The following SDK1 variants were observed in gnomAD, a reference collection of about 807,000 sequenced individuals.
SDK1 encodes sidekick cell adhesion molecule 1.
In SDK1, 157 loss-of-function variants were observed where a neutral mutation model predicts 245.5. The ratio of observed to expected loss-of-function variants is 0.64; its 90% CI spans 0.56 to 0.73. SDK1 has a LOEUF of 0.73. Ranked by LOEUF, SDK1 falls within the 30% of genes least tolerant of loss-of-function variation. The pLI, the probability that SDK1 is intolerant of heterozygous loss-of-function variation, is 0.00. For synonymous variants in SDK1, 1,647 were observed against 1,278.5 expected, an observed-to-expected ratio of 1.29 and a Z score of -6.15; for missense variants, 3,583 against 3,002.3, an observed-to-expected ratio of 1.19 and a Z score of -4.52.
chr7:3,575,926 C>A (rs888867533), intron 1 of SDK1, among the ~76,000 whole-genome samples: 1 of 151,998 alleles, frequency 6.6e-6, no homozygotes, highest in Non-Finnish European at 1.5e-5. Context: ...TGAAGCCTTT[C>A]ATCTCTGTTC....
chr7:3,871,858 G>GA (rs1780964721), intron 5 of SDK1, among the ~76,000 whole-genome samples: 2 of 152,224 alleles, frequency 1.3e-5, no homozygotes, highest in African/African-American at 4.8e-5. Context: ...AGAGTGGTTA[G>GA]AAAAAACCAC....
At position 4,265,051 on chromosome 7, in the gene SDK1, A is replaced by G. The variant is rs1043168050; in HGVS notation, c.6382-73A>G. 1.6e-5 allele frequency: 25 copies of G among 1,553,218 alleles called. No individual in the cohort carries two copies. The African/African-American group carries it at 2.6e-4, about 16-fold the overall frequency. The stretch of plus-strand genomic sequence containing the variant: ...CCCCTGGGGAGGTGCCCCCACCGCC[A>G]GGCCTCCTGCCCAGCACGCTCCGGG... On this transcript the variant is annotated intron_variant, in intron 44 of 44. Transcript: ENST00000404826.
intron 1 of SDK1, among the ~76,000 whole-genome samples, chr7:3,606,684 C>A (rs909727962): frequency 6.6e-6 from 1 of 152,118 alleles, no homozygotes; most frequent in African/African-American, 2.4e-5. Flanking sequence ...TACTCAGATA[C>A]CCCGTTCTCA....
intron 13 of SDK1, among the ~76,000 whole-genome samples, chr7:3,977,727 CAT>C (rs1783067355): frequency 6.6e-6 from 1 of 152,254 alleles, no homozygotes; most frequent in Admixed American, 6.5e-5. Flanking sequence ...AGAGGACGAC[CAT>C]ATCTTCATGG....
At chr7:4,139,505 ATATG>A (rs1327933669) in intron 28 of SDK1, among the ~76,000 whole-genome samples, 1 of 36,400 alleles carries the variant, frequency 2.7e-5, no homozygotes, top group East Asian at 3.0e-3. Context: ...GTGTGTGTGT[ATATG>A]TATATATGTG....
intron 14 of SDK1, among the ~76,000 whole-genome samples, chr7:3,994,539 G>A (rs1471433373): frequency 1.3e-5 from 2 of 151,764 alleles, no homozygotes; most frequent in African/African-American, 4.8e-5. Context: ...CTACTCAGGA[G>A]GCTAAGGTGG....
chr7:3,629,498 G>A (rs185969224), intron 2 of SDK1, among the ~76,000 whole-genome samples: 1 of 152,176 alleles, frequency 6.6e-6, no homozygotes, highest in Non-Finnish European at 1.5e-5. Context: ...CACAGGACTC[G>A]GCGGAGTGTC....
chr7:4,253,849 T>C (rs1041873597), intron 44 of SDK1, among the ~76,000 whole-genome samples: 31 of 152,238 alleles, frequency 2.0e-4, no homozygotes, highest in African/African-American at 7.5e-4. Flanking sequence ...TTTACCATTT[T>C]ATCAGATATT....
intron 1 of SDK1, among the ~76,000 whole-genome samples, chr7:3,521,266 C>G (rs760329431): frequency 1.3e-5 from 2 of 152,166 alleles, no homozygotes; most frequent in African/African-American, 2.4e-5. Context: ...TTTAAGAGAT[C>G]ATGTGATTAG....
At chr7:3,586,578 G>A (rs903521391) in intron 1 of SDK1, among the ~76,000 whole-genome samples, 7 of 151,346 alleles carry the variant, frequency 4.6e-5, no homozygotes, top group African/African-American at 1.2e-4. Context: ...TGTGGCGGGC[G>A]CCTGTAGTCC....
intron 5 of SDK1, among the ~76,000 whole-genome samples, chr7:3,939,171 T>A (rs1042788362): frequency 2.0e-5 from 3 of 152,204 alleles, no homozygotes; most frequent in African/African-American, 7.2e-5. Context: ...CTCCAGGGAA[T>A]TTTTTGGGAT....
At chr7:3,578,802 A>G (rs1036098483) in intron 1 of SDK1, among the ~76,000 whole-genome samples, 9 of 151,788 alleles carry the variant, frequency 5.9e-5, no homozygotes, top group Middle Eastern at 3.2e-3. Flanking sequence ...GTTCCCTAAA[A>G]TCGCTGTTAT....
intron 1 of SDK1, among the ~76,000 whole-genome samples, chr7:3,552,585 T>C (rs1562558050): frequency 1.3e-5 from 2 of 152,248 alleles, no homozygotes; most frequent in African/African-American, 4.8e-5. Flanking sequence ...GACCACGTTT[T>C]AGAGAGCCTC....
intron 1 of SDK1, among the ~76,000 whole-genome samples, chr7:3,469,331 T>G (rs772677548): frequency 6.6e-6 from 1 of 152,146 alleles, no homozygotes; most frequent in Non-Finnish European, 1.5e-5. Flanking sequence ...CTTGGGAGGC[T>G]GAGGCAGGAG....
Position 3,546,708 on chromosome 7 carries a change from C to G in SDK1, c.299-72372C>G, listed in dbSNP as rs73296244. Among the ~76,000 whole-genome samples, 1,305 of 152,334 alleles carry G rather than the reference C, an allele frequency of 8.6e-3. 22 individuals are homozygous for G. Among genetic ancestry groups the G allele is most frequent in the African/African-American group, 0.029 (1,226 of 41,572 alleles). On this transcript the variant is annotated intron_variant, in intron 1 of 44. Coordinates refer to ENST00000404826, the MANE Select transcript of SDK1 (RefSeq NM_152744.4). ...TAAAGACCATCATTTCACAAGGAAC[C>G]TGTGGTCACTTTGTGTTCCAGGATG...
At chr7:3,907,683 C>G (rs189877023) in intron 5 of SDK1, among the ~76,000 whole-genome samples, 2 of 152,314 alleles carry the variant, frequency 1.3e-5, no homozygotes, top group African/African-American at 2.4e-5. Context: ...AAAACAGACT[C>G]TTACCAAAAT....
At chr7:4,001,937 G>C (rs528560972) in intron 14 of SDK1, among the ~76,000 whole-genome samples, 1 of 152,208 alleles carries the variant, frequency 6.6e-6, no homozygotes, top group Non-Finnish European at 1.5e-5. Flanking sequence ...AATTGTGTTT[G>C]TCTTAGATGT....
At chr7:3,808,012 G>C (rs940897938) in intron 4 of SDK1, among the ~76,000 whole-genome samples, 1 of 152,128 alleles carries the variant, frequency 6.6e-6, no homozygotes, top group African/African-American at 2.4e-5. Context: ...TCAAGCATCT[G>C]GCCCGTTGTC....
chr7:3,682,315 G>A (rs914461499), intron 4 of SDK1, among the ~76,000 whole-genome samples: 15 of 152,158 alleles, frequency 9.9e-5, no homozygotes, highest in African/African-American at 3.6e-4. Context: ...TCTGTCCAGT[G>A]CTTTTCAACT....
Sources: allele counts gnomAD v4.1 joint callset (sites outside exome capture counted in the v4.1 genomes callset), GRCh38; gene constraint gnomAD v4.1.1; transcripts MANE v1.5; gene names NCBI Gene and HGNC (gene_info 2026-07-23, HGNC 2026-07-21).